CEP112: variants seen among roughly 807,000 people sequenced by gnomAD.
CEP112 encodes centrosomal protein of 112 kDa.
Under a neutral mutation model 153.0 loss-of-function variants are expected in CEP112, and 127 were observed. That is an observed-to-expected ratio of 0.83 (90% CI 0.72 to 0.96). The LOEUF (loss-of-function observed/expected upper bound fraction) is 0.96. CEP112 is among the 40% of genes least tolerant of loss of function. CEP112 has a pLI of 0.00. For missense variants in CEP112, 1,089 were observed against 1,101.2 expected (o/e 0.99, Z 0.16); for synonymous variants, 358 against 374.4 (o/e 0.96, Z 0.51).
rs144774277 is a variant in CEP112, at chr17:65,689,643, A to G, written c.2608-425T>C. On this transcript the variant is annotated intron_variant, in intron 23 of 26. Transcript: ENST00000535342. ...GACCAGCATAACATTTTTCAAAATTATATTATGATAATTTGAGTAAATTAT... is the reference window on the plus strand; with the variant it reads ...GACCAGCATAACATTTTTCAAAATTGTATTATGATAATTTGAGTAAATTAT... Among the ~76,000 whole-genome samples the G allele has an allele frequency of 8.5e-3, 1,302 of 152,308 alleles. 7 individuals are homozygous for G. Among genetic ancestry groups the G allele is most frequent in the Middle Eastern group, 0.014 (4 of 294 alleles).
intron 17 of CEP112, among the ~76,000 whole-genome samples, chr17:65,986,936 T>C (rs1021842144): frequency 6.6e-6 from 1 of 152,044 alleles, no homozygotes; most frequent in Non-Finnish European, 1.5e-5. Context: ...GTACAAACAG[T>C]GAGAGCTCAA....
intron 18 of CEP112, among the ~76,000 whole-genome samples, chr17:65,935,771 G>A (rs912933746): frequency 6.6e-6 from 1 of 151,488 alleles, no homozygotes; most frequent in African/African-American, 2.4e-5. Context: ...AGTCCTACAA[G>A]GGAAATTAAT....
chr17:65,870,014 TAAGAAAGAAAGA>T (rs754013580), intron 20 of CEP112, among the ~76,000 whole-genome samples: 1,827 of 44,660 alleles, frequency 0.041, 33 homozygotes, highest in African/African-American at 0.064. Context: ...AGGTAGAGAA[TAAGAAAGAAAGA>T]AAGAAAGAAA....
chr17:66,056,486 T>A (rs1323923367), intron 11 of CEP112, among the ~76,000 whole-genome samples: 2 of 152,230 alleles, frequency 1.3e-5, no homozygotes, highest in Non-Finnish European at 2.9e-5. Flanking sequence ...TCAACTCAAA[T>A]GTCTATCAAC....
At position 66,191,421 on chromosome 17, in the gene CEP112, T is replaced by C. The variant is rs2073159106; in HGVS notation, c.-9+576A>G. On this transcript the variant is annotated intron_variant, in intron 1 of 26. Transcript: ENST00000535342. This position sits in a 1 kb window ranked among gnomAD's most constrained non-coding sequence, Gnocchi z 4.2. Reference sequence around the variant, plus strand: ...TACTTATGTCGTTCTCTTGAACACTTAAAAATAATTAACTCAGAAACACAG... The same window carrying C: ...TACTTATGTCGTTCTCTTGAACACTCAAAAATAATTAACTCAGAAACACAG... 2.6e-5 allele frequency among the ~76,000 whole-genome samples: 4 copies of C among 152,202 alleles called. No individual in the cohort carries two copies. The South Asian group carries it at 8.3e-4, about 32-fold the overall frequency.
intron 18 of CEP112, among the ~76,000 whole-genome samples, chr17:65,934,570 A>T (rs1001986354): frequency 1.3e-5 from 2 of 152,352 alleles, no homozygotes; most frequent in East Asian, 3.9e-4. Flanking sequence ...TAAATGAACT[A>T]AATTCTCCAA....
chr17:65,704,713 T>A (rs2048829847), intron 23 of CEP112, among the ~76,000 whole-genome samples: 1 of 152,144 alleles, frequency 6.6e-6, no homozygotes, highest in African/African-American at 2.4e-5. Flanking sequence ...GATCCTCAGG[T>A]GAGCCTGCCT....
At chr17:66,053,111 GAAAAA>G (rs36123860) in intron 12 of CEP112, among the ~76,000 whole-genome samples, 1 of 144,348 alleles carries the variant, frequency 6.9e-6, no homozygotes, top group East Asian at 2.0e-4. Context: ...TGTCTCAAAG[GAAAAA>G]AAAAAAAGAA....
intron 18 of CEP112, among the ~76,000 whole-genome samples, chr17:65,931,106 A>G (rs1029276924): frequency 2.6e-5 from 4 of 152,216 alleles, no homozygotes; most frequent in African/African-American, 9.7e-5. Flanking sequence ...TTTCTTTTGT[A>G]TATTTATTAA....
chr17:66,049,955 T>C (rs1198364493), intron 12 of CEP112, among the ~76,000 whole-genome samples: 1 of 151,600 alleles, frequency 6.6e-6, no homozygotes, highest in Non-Finnish European at 1.5e-5. Context: ...ACCTAAGAGG[T>C]AGAAGGGATA....
intron 8 of CEP112, 124 bp from the exon 9 acceptor site, chr17:66,070,125 C>T (rs2067258544): frequency 1.6e-6 from 1 of 608,632 alleles, no homozygotes; most frequent in South Asian, 2.1e-5. Flanking sequence ...ACCTTGTAGT[C>T]ACAGATTCTA....
At position 66,164,806 on chromosome 17, in the gene CEP112, G is replaced by A. The variant is rs191901990; in HGVS notation, c.470+10238C>T. Among the ~76,000 whole-genome samples the A allele has an allele frequency of 9.2e-4, 139 of 151,820 alleles. 1 individual carries two copies. The highest frequency in any genetic ancestry group is 3.2e-3 in the African/African-American group (133 of 41,392). ...GAAGGCAGAGGTTGTGGTGAGCCGA[G>A]ATCGTGCCATTGCACTCCAGCCTGG... On this transcript the variant is annotated intron_variant, in intron 4 of 26. Transcript: ENST00000535342.
At chr17:66,047,121 T>C (rs574202713) in intron 12 of CEP112, among the ~76,000 whole-genome samples, 1 of 152,248 alleles carries the variant, frequency 6.6e-6, no homozygotes, top group Non-Finnish European at 1.5e-5. Flanking sequence ...TTTATTTTAT[T>C]TATTTATTTT....
chr17:66,004,277 C>G (rs544461907), intron 17 of CEP112, among the ~76,000 whole-genome samples: 8 of 151,784 alleles, frequency 5.3e-5, no homozygotes, highest in Non-Finnish European at 7.4e-5. Flanking sequence ...GTCAGGAGTT[C>G]GAGACCAGCC....
chr17:65,948,349 G>T (rs1032443012), intron 18 of CEP112, among the ~76,000 whole-genome samples: 4 of 152,202 alleles, frequency 2.6e-5, no homozygotes, highest in Middle Eastern at 3.4e-3. Flanking sequence ...TAATAAGGAT[G>T]TATTTTCAAG....
chr17:65,844,646 C>T (rs1310475291), intron 21 of CEP112, among the ~76,000 whole-genome samples: 2 of 150,846 alleles, frequency 1.3e-5, no homozygotes, highest in East Asian at 3.9e-4. Flanking sequence ...GATCAGGCTC[C>T]ATCCTGGGCT....
chr17:66,070,107 C>A (rs146018249), intron 8 of CEP112, 106 bp from the exon 9 acceptor site: 1 of 640,810 alleles, frequency 1.6e-6, no homozygotes, highest in East Asian at 2.8e-5. Flanking sequence ...TTATCATTTT[C>A]CACCTTTACC....
At chr17:65,836,578 A>G (rs1454995661) in intron 21 of CEP112, among the ~76,000 whole-genome samples, 1 of 152,212 alleles carries the variant, frequency 6.6e-6, no homozygotes, top group Non-Finnish European at 1.5e-5. Context: ...GAAAGATAAT[A>G]TAATAATTGT....
chr17:65,942,562 A>G (rs993014126), intron 18 of CEP112, among the ~76,000 whole-genome samples: 1 of 152,212 alleles, frequency 6.6e-6, no homozygotes, highest in Non-Finnish European at 1.5e-5. Context: ...AAGGGTAAAG[A>G]CTGAAGGGCA....
Sources: gnomAD v4.1 joint callset for allele counts (sites outside exome capture counted in the v4.1 genomes callset) on GRCh38, gnomAD v4.1.1 for gene constraint, Gnocchi (gnomAD v3.1) non-coding constraint, MANE v1.5 for transcripts, NCBI Gene and HGNC (gene_info 2026-07-23, HGNC 2026-07-21) for gene names.